MNAT1: variants seen among roughly 807,000 people sequenced by gnomAD.
The protein encoded by MNAT1 is CDK-activating kinase assembly factor MAT1.
Under a neutral mutation model 42.0 loss-of-function variants are expected in MNAT1, and 43 were observed. That is an observed-to-expected ratio of 1.02 (90% CI 0.80 to 1.32). MNAT1 has a LOEUF of 1.32. Among genes scored for constraint, MNAT1 ranks in the 40% most tolerant of loss-of-function variants. The pLI, the probability that MNAT1 is intolerant of heterozygous loss-of-function variation, is 0.00. For missense variants in MNAT1, 306 were observed against 350.4 expected, an observed-to-expected ratio of 0.87 and a Z score of 1.01; for synonymous variants, 118 against 120.0, an observed-to-expected ratio of 0.98 and a Z score of 0.11.
At chr14:60,932,847 T>TA (rs2035917619) in intron 7 of MNAT1, among the ~76,000 whole-genome samples, 1 of 152,176 alleles carries the variant, frequency 6.6e-6, no homozygotes, top group East Asian at 1.9e-4. Flanking sequence ...TATACTGTGT[T>TA]ACATTTTCAG....
At chr14:60,800,245 C>T (rs2032159295) in intron 3 of MNAT1, among the ~76,000 whole-genome samples, 1 of 152,030 alleles carries the variant, frequency 6.6e-6, no homozygotes. Context: ...GTTTTTAAGT[C>T]ACTTCTTAAA....
At position 60,745,996 on chromosome 14, in the gene MNAT1, C is replaced by T. The variant is rs1050994455; in HGVS notation, c.89+11045C>T. The stretch of plus-strand genomic sequence containing the variant: ...TCTTCTGAAGGGGAGGTAGTTTGTG[C>T]TTTCAAACATATGTAAGAGTTGGTG... On this transcript the variant is annotated intron_variant, in intron 1 of 7. Coordinates refer to ENST00000261245, the MANE Select transcript of MNAT1 (RefSeq NM_002431.4). Among the ~76,000 whole-genome samples, 8 of 152,244 alleles carry T rather than the reference C, an allele frequency of 5.3e-5. No homozygotes were observed. In the East Asian group the frequency reaches 5.8e-4, roughly 11 times the overall value.
At chr14:60,963,830 A>G (rs938301144) in intron 7 of MNAT1, among the ~76,000 whole-genome samples, 1 of 152,176 alleles carries the variant, frequency 6.6e-6, no homozygotes, top group African/African-American at 2.4e-5. Flanking sequence ...GGTGGAGGAA[A>G]CTAATATGAA....
chr14:60,958,080 G>A (rs1247807199), intron 7 of MNAT1, among the ~76,000 whole-genome samples: 2 of 152,010 alleles, frequency 1.3e-5, no homozygotes, highest in African/African-American at 4.8e-5. Flanking sequence ...CAGGTGATCT[G>A]CCCGCCTCAC....
chr14:60,793,104 C>T (rs1594757229), intron 1 of MNAT1, among the ~76,000 whole-genome samples: 1 of 151,940 alleles, frequency 6.6e-6, no homozygotes, highest in Admixed American at 6.6e-5. Context: ...CTGCAGCCTC[C>T]TGAGTAGCTC....
intron 7 of MNAT1, among the ~76,000 whole-genome samples, chr14:60,913,646 T>C (rs930933266): frequency 6.6e-6 from 1 of 152,144 alleles, no homozygotes; most frequent in African/African-American, 2.4e-5. Context: ...ACAGTGGATA[T>C]TGGTGAACCG....
chr14:60,746,988 C>CT (rs1198228295), intron 1 of MNAT1, among the ~76,000 whole-genome samples: 967 of 92,000 alleles, frequency 0.011, 35 homozygotes, highest in South Asian at 0.041. Flanking sequence ...AAAATTATGT[C>CT]TTTTTTTTTT....
At chr14:60,819,607 G>A (rs1002944864) in intron 6 of MNAT1, among the ~76,000 whole-genome samples, 2 of 152,026 alleles carry the variant, frequency 1.3e-5, no homozygotes, top group African/African-American at 4.8e-5. Context: ...ATTACATATT[G>A]TATGCATACA....
At chr14:60,773,228 C>T (rs1170257534) in intron 1 of MNAT1, among the ~76,000 whole-genome samples, 3 of 152,124 alleles carry the variant, frequency 2.0e-5, no homozygotes, top group Non-Finnish European at 2.9e-5. Flanking sequence ...TGAGCCACCA[C>T]GCCTGGCCTG....
intron 7 of MNAT1, among the ~76,000 whole-genome samples, chr14:60,901,234 CT>C (rs2035066836): frequency 6.6e-6 from 1 of 152,094 alleles, no homozygotes; most frequent in Non-Finnish European, 1.5e-5. Context: ...GACAGTGTGT[CT>C]GTTTACAGCA....
chr14:60,939,565 A>G (rs565245768), intron 7 of MNAT1, among the ~76,000 whole-genome samples: 64 of 152,186 alleles, frequency 4.2e-4, no homozygotes, highest in African/African-American at 1.5e-3. Context: ...TTAATCCTGA[A>G]TTCTAGTTTG....
At chr14:60,777,261 A>G (rs759844904) in intron 1 of MNAT1, among the ~76,000 whole-genome samples, 2 of 152,110 alleles carry the variant, frequency 1.3e-5, no homozygotes, top group African/African-American at 4.8e-5. Flanking sequence ...TCTTTGTATA[A>G]TCCCATTATT....
chr14:60,739,307 A>G (rs1045761492), intron 1 of MNAT1, among the ~76,000 whole-genome samples: 2 of 152,168 alleles, frequency 1.3e-5, no homozygotes, highest in African/African-American at 4.8e-5. Context: ...GTGGGAGAGT[A>G]CACACAAGAG....
At chr14:60,816,947 G>T (rs2032734255) in intron 5 of MNAT1, among the ~76,000 whole-genome samples, 1 of 151,862 alleles carries the variant, frequency 6.6e-6, no homozygotes, top group African/African-American at 2.4e-5. Context: ...CCTTTTATGT[G>T]AATGTGAAAC....
At chr14:60,907,676 CG>C (rs1430885830) in intron 7 of MNAT1, among the ~76,000 whole-genome samples, 1 of 141,554 alleles carries the variant, frequency 7.1e-6, no homozygotes, top group African/African-American at 2.6e-5. Context: ...CAGCTACTCA[CG>C]GGGCTGAGGC....
At position 60,784,046 on chromosome 14, in the gene MNAT1, G is replaced by A. The variant is rs1052253981; in HGVS notation, c.90-12171G>A. Reference sequence around the variant, plus strand: ...ATTTGAGATGGAGTCTTGCTCTGTCGCCCAAGCTGGAGTGCAGTGACACAA... The same window carrying A: ...ATTTGAGATGGAGTCTTGCTCTGTCACCCAAGCTGGAGTGCAGTGACACAA... On this transcript the variant is annotated intron_variant, in intron 1 of 7. Coordinates refer to ENST00000261245, the MANE Select transcript of MNAT1 (RefSeq NM_002431.4). Among the ~76,000 whole-genome samples the A allele has an allele frequency of 4.0e-5, 6 of 151,646 alleles. No homozygotes were observed. In the East Asian group the frequency reaches 5.8e-4, roughly 15 times the overall value.
At chr14:60,929,170 A>AAAAT (rs1555336771) in intron 7 of MNAT1, among the ~76,000 whole-genome samples, 35 of 47,448 alleles carry the variant, frequency 7.4e-4, no homozygotes, top group East Asian at 5.8e-3. Flanking sequence ...AAAAAAAAAA[A>AAAAT]ATATATATAT....
intron 7 of MNAT1, among the ~76,000 whole-genome samples, chr14:60,891,472 A>G (rs2034842565): frequency 1.3e-5 from 2 of 151,224 alleles, no homozygotes; most frequent in African/African-American, 2.4e-5. Flanking sequence ...TTTTTGAGAC[A>G]AAGTCTTGCT....
At chr14:60,803,184 C>T (rs966639359) in intron 3 of MNAT1, among the ~76,000 whole-genome samples, 1 of 152,110 alleles carries the variant, frequency 6.6e-6, no homozygotes, top group African/African-American at 2.4e-5. Context: ...ATCCACCCAC[C>T]TTGGCCTCCC....
Sources: allele counts gnomAD v4.1 joint callset (sites outside exome capture counted in the v4.1 genomes callset), GRCh38; gene constraint gnomAD v4.1.1; transcripts MANE v1.5; gene names NCBI Gene and HGNC (gene_info 2026-07-23, HGNC 2026-07-21).